WIPF3: variants seen among roughly 807,000 people sequenced by gnomAD.
WIPF3 encodes WAS/WASL-interacting protein family member 3.
Under a neutral mutation model 38.9 loss-of-function variants are expected in WIPF3, and 33 were observed. The observed-to-expected ratio is 0.85, with a 90% CI of 0.64 to 1.14. WIPF3 has a LOEUF of 1.14. WIPF3 is among the 50% of genes most tolerant of loss of function. The probability of loss-of-function intolerance (pLI) is 0.00; values close to 1 mark genes in which losing one functional copy is unlikely to be tolerated. For missense variants in WIPF3, 711 were observed against 652.5 expected, an observed-to-expected ratio of 1.09 and a Z score of -0.98; for synonymous variants, 324 against 269.3, an observed-to-expected ratio of 1.20 and a Z score of -1.99.
At chr7:29,899,725 G>A in intron 7 of WIPF3, among the ~76,000 whole-genome samples, 1 of 151,970 alleles carries the variant, frequency 6.6e-6, no homozygotes, top group Non-Finnish European at 1.5e-5. Flanking sequence ...TTAGTGACAT[G>A]GGAAAATGTT....
intron 2 of WIPF3, among the ~76,000 whole-genome samples, chr7:29,865,767 A>G (rs1785375269): frequency 6.6e-6 from 1 of 152,234 alleles, no homozygotes; most frequent in African/African-American, 2.4e-5. Context: ...TCCTTGGGCT[A>G]GCTGTGAGTC....
chr7:29,868,385 T>C (rs1164381858), intron 2 of WIPF3, among the ~76,000 whole-genome samples: 1 of 152,108 alleles, frequency 6.6e-6, no homozygotes, highest in African/African-American at 2.4e-5. Flanking sequence ...TAGTGGGCCA[T>C]TGAAGCATTT....
intron 2 of WIPF3, among the ~76,000 whole-genome samples, chr7:29,874,466 GA>G (rs1311366101): frequency 3.3e-5 from 5 of 152,114 alleles, no homozygotes; most frequent in Non-Finnish European, 7.3e-5. Context: ...TACCCTCAGA[GA>G]AAACAGTGAA....
At chr7:29,835,382 AG>A (rs1476612886) in intron 2 of WIPF3, among the ~76,000 whole-genome samples, 1 of 152,140 alleles carries the variant, frequency 6.6e-6, no homozygotes, top group Non-Finnish European at 1.5e-5. Flanking sequence ...TGGGCCACTG[AG>A]GGTGGTCATT....
intron 8 of WIPF3, among the ~76,000 whole-genome samples, chr7:29,910,889 T>A (rs1786493289): frequency 6.6e-6 from 1 of 152,154 alleles, no homozygotes; most frequent in South Asian, 2.1e-4. Context: ...TCGCTTCTAT[T>A]CAACATAGTA....
intron 4 of WIPF3, 126 bp from the exon 5 acceptor site, chr7:29,883,724 G>A (rs929074324): frequency 1.5e-4 from 195 of 1,327,876 alleles, no homozygotes; most frequent in Non-Finnish European, 1.9e-4. Context: ...CAGTGGACAC[G>A]TGCAGAAAAA....
rs75119268 is a variant in WIPF3 at position 29,868,957 on chromosome 7, C to T, written c.91-6873C>T. ...TCATTATGCAGAGAATGTGCACACACGCACACACATGTACATACACCCCCC... is the reference window on the plus strand; with the variant it reads ...TCATTATGCAGAGAATGTGCACACATGCACACACATGTACATACACCCCCC... On this transcript the variant is annotated intron_variant, in intron 2 of 8. Transcript: ENST00000242140. Among the ~76,000 whole-genome samples, 1,100 of 152,208 alleles carry T rather than the reference C, an allele frequency of 7.2e-3. 14 individuals are homozygous for T. The highest frequency in any genetic ancestry group is 0.025 in the African/African-American group (1,036 of 41,522).
chr7:29,861,245 C>T (rs1583607394), intron 2 of WIPF3, among the ~76,000 whole-genome samples: 1 of 152,118 alleles, frequency 6.6e-6, no homozygotes, highest in African/African-American at 2.4e-5. Flanking sequence ...TGAGTGGGAG[C>T]AATACCCTCA....
chr7:29,888,185 G>T lies in WIPF3; in HGVS notation c.1217G>T (p.Gly406Val), dbSNP rs1274256407. 1.9e-6 allele frequency: 3 copies of T among 1,612,258 alleles called. No homozygotes were observed. The highest frequency in any genetic ancestry group is 2.5e-6 in the Non-Finnish European group (3 of 1,179,144). ...TGGACCCCGACGCAGCAGCCTGGAG[G>T]TCAACTGCGAAATGGAAGCCTGCAC... ...TAWTPTQQPG[G>V]QLRNGSLHII... Residue 406 changes from glycine (G) to valine (V), a missense_variant, in exon 6 of 9, where the codon GGT (glycine) becomes GTT (valine). Coordinates refer to ENST00000242140, the MANE Select transcript of WIPF3 (RefSeq NM_001080529.3).
chr7:29,914,267 A>G (rs968572523), intron 8 of WIPF3, among the ~76,000 whole-genome samples: 4 of 152,170 alleles, frequency 2.6e-5, no homozygotes, highest in African/African-American at 9.7e-5. Flanking sequence ...ATAAGACAGT[A>G]TTAGGTCCTC....
chr7:29,882,748 C>CAGG (rs1443285667), intron 4 of WIPF3, among the ~76,000 whole-genome samples: 3 of 152,156 alleles, frequency 2.0e-5, no homozygotes, highest in Non-Finnish European at 2.9e-5. Flanking sequence ...CTGCAGCACC[C>CAGG]AGGAAGTAGT....
intron 4 of WIPF3, among the ~76,000 whole-genome samples, chr7:29,881,580 A>AT (rs1302328482): frequency 6.6e-6 from 1 of 152,194 alleles, no homozygotes; most frequent in Non-Finnish European, 1.5e-5. Flanking sequence ...TATTTTTTTA[A>AT]TAGAGAAGAG....
At chr7:29,835,728 C>T (rs996512519) in intron 2 of WIPF3, among the ~76,000 whole-genome samples, 4 of 152,222 alleles carry the variant, frequency 2.6e-5, no homozygotes, top group Non-Finnish European at 5.9e-5. Flanking sequence ...AGGGGCGTCT[C>T]GCATCCGCTC....
chr7:29,830,147 A>T (rs189293315), intron 1 of WIPF3, among the ~76,000 whole-genome samples: 1 of 151,540 alleles, frequency 6.6e-6, no homozygotes, highest in Non-Finnish European at 1.5e-5. Flanking sequence ...ATATAAAACT[A>T]TCCTCTAATC....
chr7:29,833,909 A>G (rs748454527), intron 1 of WIPF3, among the ~76,000 whole-genome samples: 9 of 152,234 alleles, frequency 5.9e-5, no homozygotes, highest in Non-Finnish European at 1.3e-4. Flanking sequence ...ACATGCCCAC[A>G]TACACACATA....
At chr7:29,875,090 G>C (rs1457586793) in intron 2 of WIPF3, among the ~76,000 whole-genome samples, 1 of 152,068 alleles carries the variant, frequency 6.6e-6, no homozygotes, top group Non-Finnish European at 1.5e-5. Context: ...AACACACCCA[G>C]GCACAGAAGA....
intron 1 of WIPF3, among the ~76,000 whole-genome samples, chr7:29,814,141 G>A (rs1246856685): frequency 6.6e-6 from 1 of 152,040 alleles, no homozygotes; most frequent in Non-Finnish European, 1.5e-5. Context: ...GGCTGGTCTC[G>A]AACTCCTAGG....
At chr7:29,856,968 A>G (rs1484358174) in intron 2 of WIPF3, among the ~76,000 whole-genome samples, 1 of 152,246 alleles carries the variant, frequency 6.6e-6, no homozygotes, top group East Asian at 1.9e-4. Flanking sequence ...GACCCAAATC[A>G]GTGGAGCCTT....
intron 2 of WIPF3, among the ~76,000 whole-genome samples, chr7:29,859,257 A>T (rs1474028770): frequency 6.6e-6 from 1 of 152,166 alleles, no homozygotes; most frequent in Non-Finnish European, 1.5e-5. Flanking sequence ...TTGAGCAGGG[A>T]GCTGAGAGAG....
Sources: allele counts gnomAD v4.1 joint callset (sites outside exome capture counted in the v4.1 genomes callset), GRCh38; gene constraint gnomAD v4.1.1; transcripts MANE v1.5; gene names NCBI Gene and HGNC (gene_info 2026-07-23, HGNC 2026-07-21).